Variants in HTR4 observed in about 807,000 individuals in gnomAD.
The protein encoded by HTR4 is 5-hydroxytryptamine receptor 4.
In HTR4, 16 loss-of-function variants were observed where a neutral mutation model predicts 36.8. The observed-to-expected ratio is 0.43, with a 90% confidence interval of 0.29 to 0.66. HTR4 has a LOEUF of 0.66. Ranked by LOEUF, HTR4 falls within the 30% of genes least tolerant of loss-of-function variation. The probability of loss-of-function intolerance (pLI) is 0.13; values close to 1 mark genes in which losing one functional copy is unlikely to be tolerated. For synonymous variants in HTR4, 189 were observed against 185.1 expected, an observed-to-expected ratio of 1.02 and a Z score of -0.17; for missense variants, 438 against 490.9, an observed-to-expected ratio of 0.89 and a Z score of 1.02.
intron 6 of HTR4, among the ~76,000 whole-genome samples, chr5:148,502,346 C>T (rs902536695): frequency 4.6e-5 from 7 of 152,304 alleles, no homozygotes; most frequent in African/African-American, 1.2e-4. Flanking sequence ...CAGCAATACT[C>T]GCTATTCTGC....
chr5:148,559,418 T>G (rs761124731), intron 2 of HTR4, among the ~76,000 whole-genome samples: 1 of 152,218 alleles, frequency 6.6e-6, no homozygotes, highest in Non-Finnish European at 1.5e-5. Flanking sequence ...ATATGACTTA[T>G]GTAAATTGAT....
intron 2 of HTR4, among the ~76,000 whole-genome samples, chr5:148,601,432 GC>G (rs1385401193): frequency 3.3e-4 from 50 of 152,294 alleles, no homozygotes; most frequent in African/African-American, 1.2e-3. Flanking sequence ...GATGGAAAAA[GC>G]TGCCTAAATG....
At chr5:148,493,167 C>T (rs1036916680) in intron 6 of HTR4, among the ~76,000 whole-genome samples, 1 of 152,122 alleles carries the variant, frequency 6.6e-6, no homozygotes, top group Non-Finnish European at 1.5e-5. Context: ...TCAACAAGAA[C>T]AGTGTTTTCT....
chr5:148,455,374 A>T (rs1479407846), intron 5 of HTR4, among the ~76,000 whole-genome samples: 1 of 152,216 alleles, frequency 6.6e-6, no homozygotes, highest in Admixed American at 6.5e-5. Flanking sequence ...AGGCAACCAG[A>T]CATCTGTGAC....
chr5:148,455,696 TA>T (rs1478177264), intron 5 of HTR4, among the ~76,000 whole-genome samples: 1 of 152,208 alleles, frequency 6.6e-6, no homozygotes, highest in Non-Finnish European at 1.5e-5. Context: ...AATCTGCATA[TA>T]AGTTTTGATT....
chr5:148,458,084 A>T (rs1755161883), intron 5 of HTR4, among the ~76,000 whole-genome samples: 2 of 50,038 alleles, frequency 4.0e-5, no homozygotes, highest in Admixed American at 1.8e-4. Context: ...TAGATCTTAA[A>T]ATATATTATA....
rs772601828 is a variant in HTR4 at position 148,482,417 on chromosome 5, G to C, written c.*786C>G. ...AGAGCGAGCATCTCAGGGCAGACAC[G>C]CCAGCGGCCAGGACACCAGGAGGAA... On this transcript the variant is annotated 3_prime_UTR_variant, in exon 7 of 7. Coordinates refer to ENST00000377888, the MANE Select transcript of HTR4 (RefSeq NM_000870.7). 8.1e-6 allele frequency: 8 copies of C among 985,496 alleles called. No homozygotes were observed. The highest frequency in any genetic ancestry group is 9.6e-6 in the Non-Finnish European group (8 of 830,132). 61.0% of individuals were successfully genotyped at this position (985,496 alleles called of 1,614,324 possible). A position where few individuals can be genotyped will look rare whatever the true frequency, so the allele number is the denominator to read the frequency against.
At chr5:148,565,030 A>G (rs1040080312) in intron 2 of HTR4, among the ~76,000 whole-genome samples, 4 of 151,508 alleles carry the variant, frequency 2.6e-5, no homozygotes, top group Admixed American at 6.6e-5. Flanking sequence ...GAATCACTTG[A>G]ACCCAGGAGG....
At chr5:148,526,301 T>C (rs1421420542) in intron 4 of HTR4, among the ~76,000 whole-genome samples, 1 of 152,232 alleles carries the variant, frequency 6.6e-6, no homozygotes, top group African/African-American at 2.4e-5. Flanking sequence ...ATATCTTTCA[T>C]AGTATACTTA....
At chr5:148,589,926 G>A (rs1480535291) in intron 2 of HTR4, among the ~76,000 whole-genome samples, 1 of 152,072 alleles carries the variant, frequency 6.6e-6, no homozygotes, top group Non-Finnish European at 1.5e-5. Context: ...TCACCATGCT[G>A]TCTAGTAGAA....
At chr5:148,613,855 G>A (rs1249042438) in intron 2 of HTR4, among the ~76,000 whole-genome samples, 2 of 151,886 alleles carry the variant, frequency 1.3e-5, no homozygotes, top group Non-Finnish European at 2.9e-5. Context: ...AAATCAATGT[G>A]CAAAAATCAC....
At chr5:148,550,366 A>C (rs1759623080) in intron 2 of HTR4, 104 bp from the exon 3 acceptor site, 1 of 1,265,250 alleles carries the variant, frequency 7.9e-7, no homozygotes, top group Admixed American at 1.9e-5. Flanking sequence ...CTTCACCATC[A>C]GCTGATGACA....
intron 4 of HTR4, among the ~76,000 whole-genome samples, chr5:148,531,260 G>T (rs554847718): frequency 6.6e-6 from 1 of 152,098 alleles, no homozygotes; most frequent in Middle Eastern, 3.2e-3. Flanking sequence ...CCCAAACCTC[G>T]TATTGCGGCT....
chr5:148,523,559 G>T (rs1051849767), intron 4 of HTR4, among the ~76,000 whole-genome samples: 1 of 152,038 alleles, frequency 6.6e-6, no homozygotes, highest in Non-Finnish European at 1.5e-5. Context: ...AGAGCAAGTG[G>T]CAGAGGAAGG....
chr5:148,530,402 G>A (rs550856859), intron 4 of HTR4, among the ~76,000 whole-genome samples: 1 of 152,300 alleles, frequency 6.6e-6, no homozygotes, highest in African/African-American at 2.4e-5. Flanking sequence ...GCTACTCCAG[G>A]CATGGCTGAA....
chr5:148,592,640 GTTA>G (rs1219261626), intron 2 of HTR4, among the ~76,000 whole-genome samples: 1 of 151,784 alleles, frequency 6.6e-6, no homozygotes, highest in East Asian at 1.9e-4. Flanking sequence ...AGGACTCATT[GTTA>G]TTATTATATA....
chr5:148,560,929 A>T (rs1172430789), intron 2 of HTR4, among the ~76,000 whole-genome samples: 1 of 152,234 alleles, frequency 6.6e-6, no homozygotes, highest in Admixed American at 6.5e-5. Context: ...AATACTGATG[A>T]TGACAGCTTA....
Position 148,575,887 on chromosome 5 carries a change from A to T in HTR4, c.27-25625T>A, listed in dbSNP as rs536859498. Among the ~76,000 whole-genome samples the T allele has an allele frequency of 2.0e-5, 3 of 152,106 alleles. No homozygotes were observed. In the East Asian group the frequency reaches 5.8e-4, roughly 30 times the overall value. ...TAATATTGGAAGTCCTAGCCAGAGC[A>T]ATCAGGCAAGACAAAGAAATAAAGA... is the stretch of plus-strand genomic sequence containing the variant. On this transcript the variant is annotated intron_variant, in intron 2 of 6. Coordinates refer to ENST00000377888, the MANE Select transcript of HTR4 (RefSeq NM_000870.7).
At chr5:148,525,991 G>A (rs936171775) in intron 4 of HTR4, among the ~76,000 whole-genome samples, 1 of 152,188 alleles carries the variant, frequency 6.6e-6, no homozygotes, top group Non-Finnish European at 1.5e-5. Context: ...TTGGAGTGAT[G>A]CGTCCATAAG....
Sources: allele counts gnomAD v4.1 joint callset (sites outside exome capture counted in the v4.1 genomes callset), GRCh38; gene constraint gnomAD v4.1.1; transcripts MANE v1.5; gene names NCBI Gene and HGNC (gene_info 2026-07-23, HGNC 2026-07-21).